The following SYNDIG1 variants were observed in gnomAD, a reference collection of about 807,000 sequenced individuals.
SYNDIG1 encodes the protein synapse differentiation-inducing gene protein 1.
A neutral mutation model predicts 19.4 loss-of-function variants in SYNDIG1; 9 were observed. The observed-to-expected ratio is 0.46, with a 90% CI of 0.28 to 0.81. SYNDIG1 has a LOEUF of 0.81. Ranked by LOEUF, SYNDIG1 falls within the 30% of genes least tolerant of loss-of-function variation. The probability of loss-of-function intolerance (pLI) is 0.12; values close to 1 mark genes in which losing one functional copy is unlikely to be tolerated. For missense variants in SYNDIG1, 311 were observed against 343.3 expected (o/e 0.91, Z 0.74); for synonymous variants, 141 against 145.9 (o/e 0.97, Z 0.24).
chr20:24,599,450 G>T (rs1471391127), intron 3 of SYNDIG1, among the ~76,000 whole-genome samples: 1 of 152,088 alleles, frequency 6.6e-6, no homozygotes, highest in African/African-American at 2.4e-5. Context: ...ATTAAAAATA[G>T]AATACCTTTG....
At chr20:24,562,124 C>G (rs766965459) in intron 2 of SYNDIG1, among the ~76,000 whole-genome samples, 5 of 152,080 alleles carry the variant, frequency 3.3e-5, no homozygotes, top group Admixed American at 6.5e-5. Context: ...ATAGTTGCAT[C>G]TCATTTATTC....
chr20:24,645,013 G>A (rs953900397), intron 3 of SYNDIG1, among the ~76,000 whole-genome samples: 2 of 152,232 alleles, frequency 1.3e-5, no homozygotes, highest in Non-Finnish European at 2.9e-5. Context: ...CTACAGTGAA[G>A]CAATGGGTTT....
chr20:24,470,228 G>A (rs1166275046), intron 1 of SYNDIG1, among the ~76,000 whole-genome samples: 1 of 152,216 alleles, frequency 6.6e-6, no homozygotes. Context: ...AGACCAGCCA[G>A]GGCTGGTGAG....
chr20:24,646,189 A>G (rs1176866050), intron 3 of SYNDIG1, among the ~76,000 whole-genome samples: 1 of 152,218 alleles, frequency 6.6e-6, no homozygotes, highest in African/African-American at 2.4e-5. Flanking sequence ...ATGTTCCTCC[A>G]ATGCCTAGAG....
intron 1 of SYNDIG1, chr20:24,495,314 C>A: frequency 6.6e-6 from 1 of 152,408 alleles, no homozygotes; most frequent in Non-Finnish European, 1.5e-5. Context: ...TTGCTGGAGG[C>A]CAGCCACTTG....
intron 3 of SYNDIG1, among the ~76,000 whole-genome samples, chr20:24,635,633 T>A (rs1297163207): frequency 1.3e-5 from 2 of 152,216 alleles, no homozygotes; most frequent in African/African-American, 4.8e-5. Flanking sequence ...AGTACCTTTT[T>A]ATAAGCTTTT....
intron 1 of SYNDIG1, among the ~76,000 whole-genome samples, chr20:24,471,799 A>T (rs571901750): frequency 1.7e-4 from 26 of 152,258 alleles, no homozygotes; most frequent in African/African-American, 5.5e-4. Flanking sequence ...TGTTTGATGA[A>T]GTATTTCAAA....
intron 3 of SYNDIG1, among the ~76,000 whole-genome samples, chr20:24,637,624 C>G (rs906054518): frequency 6.6e-6 from 1 of 152,150 alleles, no homozygotes; most frequent in African/African-American, 2.4e-5. Flanking sequence ...CACTAAAGTC[C>G]TAAATTTCAA....
At chr20:24,556,304 C>T (rs896413712) in intron 2 of SYNDIG1, among the ~76,000 whole-genome samples, 5 of 152,176 alleles carry the variant, frequency 3.3e-5, no homozygotes, top group Non-Finnish European at 7.3e-5. Flanking sequence ...AGTCCATTTA[C>T]ATTTAAAGTT....
Position 24,500,449 on chromosome 20 carries a change from C to T in SYNDIG1, c.-79+30696C>T, listed in dbSNP as rs190741564. ...TATCAACTTAGAGAGTTGGCTGTTT[C>T]TAGTTGGAAAACAAAAGCAGATTCT... On this transcript the variant is annotated intron_variant, in intron 1 of 3. Transcript: ENST00000376862. Among the ~76,000 whole-genome samples, 378 of 152,128 alleles carry T rather than the reference C, an allele frequency of 2.5e-3. 1 individual carries two copies. Among genetic ancestry groups the T allele is most frequent in the African/African-American group, 8.8e-3 (365 of 41,504 alleles).
chr20:24,590,990 G>C (rs2058500993), intron 3 of SYNDIG1, among the ~76,000 whole-genome samples: 1 of 152,156 alleles, frequency 6.6e-6, no homozygotes, highest in Non-Finnish European at 1.5e-5. Context: ...GGGGCGCGGA[G>C]GGACTTGTGG....
intron 3 of SYNDIG1, among the ~76,000 whole-genome samples, chr20:24,647,577 G>A (rs1016895546): frequency 6.6e-6 from 1 of 151,900 alleles, no homozygotes; most frequent in Non-Finnish European, 1.5e-5. Flanking sequence ...AATTTCGTGT[G>A]GAAATATCAG....
At chr20:24,556,241 G>C (rs6076237) in intron 2 of SYNDIG1, among the ~76,000 whole-genome samples, 1 of 151,838 alleles carries the variant, frequency 6.6e-6, no homozygotes, top group Non-Finnish European at 1.5e-5. Context: ...CACACTGATG[G>C]GTCTTGACTC....
At chr20:24,479,264 C>T (rs776897326) in intron 1 of SYNDIG1, among the ~76,000 whole-genome samples, 2 of 152,144 alleles carry the variant, frequency 1.3e-5, no homozygotes, top group Middle Eastern at 3.2e-3. Flanking sequence ...GGGTTCTTCC[C>T]GCTCCTCTGA....
chr20:24,588,365 G>A (rs181293669), intron 3 of SYNDIG1, among the ~76,000 whole-genome samples: 6 of 152,360 alleles, frequency 3.9e-5, no homozygotes, highest in Non-Finnish European at 8.8e-5. Context: ...TAGCATAACA[G>A]TAGTAATCAA....
At chr20:24,664,727 AC>A (rs2059632366) in intron 3 of SYNDIG1, among the ~76,000 whole-genome samples, 1 of 152,174 alleles carries the variant, frequency 6.6e-6, no homozygotes, top group African/African-American at 2.4e-5. Context: ...ACTAACGCCA[AC>A]CATGTCCAGG....
At chr20:24,657,433 G>A (rs1197735538) in intron 3 of SYNDIG1, among the ~76,000 whole-genome samples, 3 of 152,168 alleles carry the variant, frequency 2.0e-5, no homozygotes, top group Non-Finnish European at 4.4e-5. Context: ...GGAGGGGATC[G>A]GCGCCAGCAC....
chr20:24,626,127 TG>T (rs2059126044), intron 3 of SYNDIG1, among the ~76,000 whole-genome samples: 1 of 75,896 alleles, frequency 1.3e-5, no homozygotes, highest in South Asian at 4.4e-4. Context: ...CGGGCAGAGG[TG>T]CCCCTCACCT....
intron 3 of SYNDIG1, among the ~76,000 whole-genome samples, chr20:24,663,663 G>C (rs2059623604): frequency 2.0e-5 from 3 of 152,226 alleles, no homozygotes; most frequent in Admixed American, 2.0e-4. Flanking sequence ...AGATGTGTGA[G>C]CCCTCATGAG....
Sources: allele counts gnomAD v4.1 joint callset (sites outside exome capture counted in the v4.1 genomes callset), GRCh38; gene constraint gnomAD v4.1.1; transcripts MANE v1.5; gene names NCBI Gene and HGNC (gene_info 2026-07-23, HGNC 2026-07-21).